SYTL5: variants seen among roughly 807,000 people sequenced by gnomAD.
SYTL5 encodes synaptotagmin like 5.
SYTL5 carries 34 observed loss-of-function variants against 55.9 expected under a neutral mutation model. The observed-to-expected ratio is 0.61, with a 90% CI of 0.46 to 0.81. The LOEUF (loss-of-function observed/expected upper bound fraction) is 0.81. SYTL5 is among the 30% of genes least tolerant of loss of function. SYTL5 has a pLI of 0.00. For synonymous variants in SYTL5, 221 were observed against 188.7 expected, an observed-to-expected ratio of 1.17 and a Z score of -1.40; for missense variants, 637 against 546.7, an observed-to-expected ratio of 1.17 and a Z score of -1.65.
chrX:37,902,101 T>C, the SYTL5 span, among the ~76,000 whole-genome samples: 1 of 112,152 alleles, frequency 8.9e-6, no homozygotes, highest in Non-Finnish European at 1.9e-5. Flanking sequence ...GAAAAATCCC[T>C]CAATTTGGCT....
rs1010592677 is a variant in SYTL5, at chrX:38,126,572, C to T, written c.2051-16C>T. 5 of 1,207,835 alleles carry T rather than the reference C, an allele frequency of 4.1e-6. No individual in the cohort carries two copies. The highest frequency in any genetic ancestry group is 2.3e-4 in the Middle Eastern group (1 of 4,360). On this transcript the variant is annotated splice_polypyrimidine_tract_variant and intron_variant, in intron 16 of 16. Coordinates refer to ENST00000297875, the MANE Select transcript of SYTL5 (RefSeq NM_138780.3). ...TTTCATGTGTGACATAAAATTTTCCCGTTTCGCCTCTTCAGGTGTGAGCCA... is the reference window on the plus strand; with the variant it reads ...TTTCATGTGTGACATAAAATTTTCCTGTTTCGCCTCTTCAGGTGTGAGCCA...
intron 3 of SYTL5, among the ~76,000 whole-genome samples, chrX:38,068,292 T>C (rs1296562141): frequency 4.5e-5 from 5 of 111,907 alleles, no homozygotes; most frequent in African/African-American, 1.6e-4. Context: ...TGGTGAGTCG[T>C]GGAGAAAAGG....
At chrX:37,931,821 G>C in the SYTL5 span, among the ~76,000 whole-genome samples, 5 of 111,357 alleles carry the variant, frequency 4.5e-5, no homozygotes, top group Non-Finnish European at 9.4e-5. Context: ...AGGGCTAATA[G>C]TTTGAGGAGT....
intron 12 of SYTL5, 50 bp downstream of exon 12, chrX:38,108,749 C>CTAAACCATTGAAGTTGTG: frequency 1.2e-6 from 1 of 818,549 alleles, no homozygotes; most frequent in Non-Finnish European, 1.8e-6. Flanking sequence ...TTCACAACTT[C>CTAAACCATTGAAGTTGTG]AATGGTTTAG....
At chrX:38,031,653 C>T (rs985707684) in intron 1 of SYTL5, among the ~76,000 whole-genome samples, 77 of 112,358 alleles carry the variant, frequency 6.9e-4, no homozygotes, top group African/African-American at 2.4e-3. Flanking sequence ...ATAACATAGT[C>T]ATTCACTGAG....
chrX:38,022,961 T>A (rs1225999454), intron 1 of SYTL5, among the ~76,000 whole-genome samples: 1 of 111,651 alleles, frequency 9.0e-6, no homozygotes. Flanking sequence ...GGTTAGAGGA[T>A]AGATACGAGA....
chrX:37,900,931 A>G, the SYTL5 span, among the ~76,000 whole-genome samples: 1 of 111,416 alleles, frequency 9.0e-6, no homozygotes, highest in South Asian at 3.8e-4. Context: ...AAAGAAAGTA[A>G]CTTTTCTCTT....
chrX:37,938,464 C>T, the SYTL5 span, among the ~76,000 whole-genome samples: 1 of 112,302 alleles, frequency 8.9e-6, no homozygotes, highest in Non-Finnish European at 1.9e-5. Context: ...ACTATATCTC[C>T]TTGTTGTTCA....
intron 13 of SYTL5, among the ~76,000 whole-genome samples, chrX:38,116,521 C>A (rs1252212236): frequency 8.9e-6 from 1 of 112,258 alleles, no homozygotes; most frequent in Non-Finnish European, 1.9e-5. Flanking sequence ...CTAATTTGAG[C>A]TTTTCTCAAA....
the SYTL5 span, among the ~76,000 whole-genome samples, chrX:37,963,190 A>G: frequency 9.0e-6 from 1 of 111,508 alleles, no homozygotes; most frequent in Non-Finnish European, 1.9e-5. Context: ...TGCTATTGTA[A>G]ATGGGATTGT....
chrX:37,953,681 C>G, the SYTL5 span, among the ~76,000 whole-genome samples: 3 of 110,929 alleles, frequency 2.7e-5, no homozygotes, highest in African/African-American at 9.8e-5. Flanking sequence ...TGAGGGAAGA[C>G]TCTAATTGGT....
chrX:37,912,070 G>C, the SYTL5 span, among the ~76,000 whole-genome samples: 1 of 112,298 alleles, frequency 8.9e-6, no homozygotes, highest in African/African-American at 3.2e-5. Context: ...TCTTGCTAAA[G>C]TATTTCCCTT....
At chrX:38,095,195 G>A (rs1936899625) in intron 8 of SYTL5, among the ~76,000 whole-genome samples, 1 of 111,701 alleles carries the variant, frequency 9.0e-6, no homozygotes, top group Non-Finnish European at 1.9e-5. Context: ...TTCTAAATGT[G>A]TGTGGTTATT....
At chrX:37,968,478 C>T in the SYTL5 span, among the ~76,000 whole-genome samples, 22,086 of 110,643 alleles carry the variant, frequency 0.2, 1,659 homozygotes, top group South Asian at 0.35. Context: ...TTTGATAAGG[C>T]TTCTTAAATA....
intron 13 of SYTL5, among the ~76,000 whole-genome samples, chrX:38,117,627 T>C (rs1247338614): frequency 1.8e-5 from 2 of 112,029 alleles, no homozygotes; most frequent in Non-Finnish European, 3.8e-5. Context: ...TTAGGGTTTC[T>C]GGCGCCACTG....
At chrX:38,082,279 C>A (rs5917529) in intron 6 of SYTL5, among the ~76,000 whole-genome samples, 42,154 of 110,324 alleles carry the variant, frequency 0.38, 7,968 homozygotes, top group African/African-American at 0.73. Context: ...AATCTAACAC[C>A]TTCCCCTCCT....
the SYTL5 span, among the ~76,000 whole-genome samples, chrX:37,972,504 G>A: frequency 9.0e-6 from 1 of 111,395 alleles, no homozygotes; most frequent in Non-Finnish European, 1.9e-5. Flanking sequence ...CTCCGGTTTC[G>A]GGCAACTCCT....
chrX:37,970,092 A>G, the SYTL5 span, among the ~76,000 whole-genome samples: 2 of 112,422 alleles, frequency 1.8e-5, no homozygotes, highest in Non-Finnish European at 3.8e-5. Flanking sequence ...TTAGTTTTGT[A>G]TTAGTGCATT....
intron 7 of SYTL5, among the ~76,000 whole-genome samples, chrX:38,090,496 A>C (rs1035370544): frequency 9.8e-5 from 11 of 112,106 alleles, no homozygotes; most frequent in Non-Finnish European, 2.1e-4. Flanking sequence ...TTATATTTGG[A>C]ATGAATTAGC....
Sources: gnomAD v4.1 joint callset for allele counts (sites outside exome capture counted in the v4.1 genomes callset) on GRCh38, gnomAD v4.1.1 for gene constraint, MANE v1.5 for transcripts, NCBI Gene and HGNC (gene_info 2026-07-23, HGNC 2026-07-21) for gene names.